The following PRR5 variants were observed in gnomAD, a reference collection of about 807,000 sequenced individuals.
PRR5 encodes proline rich 5, also known as proline-rich protein 5.
PRR5 carries 25 observed loss-of-function variants against 30.6 expected under a neutral mutation model. That is an observed-to-expected ratio of 0.82 (90% CI 0.60 to 1.14). The LOEUF (loss-of-function observed/expected upper bound fraction) is 1.14, where lower values mean the gene tolerates loss of function less well. Among genes scored for constraint, PRR5 ranks in the 50% most tolerant of loss-of-function variants. The probability of loss-of-function intolerance (pLI) is 0.00; values close to 1 mark genes in which losing one functional copy is unlikely to be tolerated. For missense variants in PRR5, 600 were observed against 547.1 expected (o/e 1.10, Z -0.96); for synonymous variants, 286 against 247.1 (o/e 1.16, Z -1.48).
chr22:44,700,441 C>T (rs1419997169), upstream of PRR5, among the ~76,000 whole-genome samples: 3 of 152,148 alleles, frequency 2.0e-5, no homozygotes, highest in South Asian at 2.1e-4. Context: ...ACTCCACAGG[C>T]GACAAGAGCG....
At chr22:44,721,493 T>A (rs554061081) in intron 2 of PRR5, among the ~76,000 whole-genome samples, 124 of 152,298 alleles carry the variant, frequency 8.1e-4, no homozygotes, top group Middle Eastern at 3.4e-3. Context: ...AATGAAGACT[T>A]GGCCCAACCA....
At chr22:44,707,537 A>G (rs1448578022) in intron 1 of PRR5, among the ~76,000 whole-genome samples, 3 of 152,178 alleles carry the variant, frequency 2.0e-5, no homozygotes, top group Non-Finnish European at 2.9e-5. Flanking sequence ...GCAGGGATGC[A>G]TCTTGCCATC....
At chr22:44,697,237 C>T (rs548305910), upstream of PRR5, among the ~76,000 whole-genome samples, 4 of 152,190 alleles carry the variant, frequency 2.6e-5, no homozygotes, top group Non-Finnish European at 5.9e-5. Context: ...CCGGAGTCAC[C>T]GCGAGTACCC....
In PRR5 at chr22:44,693,991, C is replaced by T. The variant is rs567854086; in HGVS notation, c.-10-8501C>T. On this transcript the variant is annotated intron_variant, in intron 1 of 8. Coordinates refer to the PRR5 transcript ENST00000006251. ...TAGGGCCCACTTACTCCAGTATGAC[C>T]TCATCTCAATTTGATTACATCTGCA... is the stretch of plus-strand genomic sequence containing the variant. 2.6e-5 allele frequency among the ~76,000 whole-genome samples: 4 copies of T among 152,070 alleles called. No homozygotes were observed. In the South Asian group the frequency reaches 8.3e-4, roughly 32 times the overall value.
In PRR5 at chr22:44,683,971, G is replaced by T. The variant is rs148518357; in HGVS notation, c.-11+6731G>T. Among the ~76,000 whole-genome samples, 676 of 152,346 alleles carry T rather than the reference G, an allele frequency of 4.4e-3. 18 individuals carry two copies. In the East Asian group the frequency reaches 0.048, roughly 11 times the overall value. On this transcript the variant is annotated intron_variant, in intron 1 of 8. Transcript: ENST00000006251. ...CCCAGGAACAGGGGCTGGGCCCCTC[G>T]CAGGGGTTGGTTTCATTGGCTTTGA...
At chr22:44,686,879 T>C (rs1312953290) in intron 1 of PRR5, among the ~76,000 whole-genome samples, 2 of 152,252 alleles carry the variant, frequency 1.3e-5, no homozygotes, top group East Asian at 1.9e-4. Context: ...CCCAAAATGC[T>C]GGGATTACAG....
rs143255482 is a variant in PRR5 at position 44,735,104 on chromosome 22, C to G, written c.633C>G (p.Tyr211Ter). Residue 211 changes from tyrosine to a stop codon, truncating the protein, a stop_gained, in exon 7 of 8, where the codon TAC becomes TAG. Coordinates refer to ENST00000336985, the MANE Select transcript of PRR5 (RefSeq NM_181333.4). LOFTEE classifies it high-confidence loss of function. Reference protein sequence around the residue: ...ETLVQKVVSPYLGTYGLHSSE... With the variant: ...ETLVQKVVSP Reference sequence around the variant, plus strand: ...TGGTCCAGAAGGTGGTGTCGCCATACCTGGGCACCTACGGCCTCCACTCCA... The same window carrying G: ...TGGTCCAGAAGGTGGTGTCGCCATAGCTGGGCACCTACGGCCTCCACTCCA... The G allele has an allele frequency of 6.2e-7, 1 of 1,612,582 alleles. No homozygotes were observed.
At chr22:44,725,628 G>A (rs996203138) in intron 3 of PRR5, among the ~76,000 whole-genome samples, 25 of 151,962 alleles carry the variant, frequency 1.6e-4, no homozygotes, top group Admixed American at 9.8e-4. Flanking sequence ...CCACCATCAC[G>A]CCTGGCTAAT....
At chr22:44,675,765 A>ATTG (rs1372709120), upstream of PRR5, among the ~76,000 whole-genome samples, 1 of 123,292 alleles carries the variant, frequency 8.1e-6, no homozygotes. Flanking sequence ...TGCTGTTGTT[A>ATTG]TTATTATTAT....
chr22:44,719,937 C>G (rs935351691), intron 2 of PRR5, among the ~76,000 whole-genome samples: 8 of 152,222 alleles, frequency 5.3e-5, no homozygotes. Flanking sequence ...CCACAGCTGT[C>G]TCTCTTGAGG....
chr22:44,672,821 A>G (rs186683534), upstream of PRR5, among the ~76,000 whole-genome samples: 1 of 152,288 alleles, frequency 6.6e-6, no homozygotes, highest in Non-Finnish European at 1.5e-5. Flanking sequence ...GCCCTGCCCA[A>G]TTGACAGATG....
Position 44,707,312 on chromosome 22 carries a change from G to A in PRR5, c.134+4704G>A, listed in dbSNP as rs151157201. On this transcript the variant is annotated intron_variant, in intron 1 of 7. Coordinates refer to ENST00000336985, the MANE Select transcript of PRR5 (RefSeq NM_181333.4). ...GACAGGAGTGGCCGGCCACTGGGGC[G>A]TGCCCTGCAGGCAGAGCTGAAGTGG... Among the ~76,000 whole-genome samples, 504 of 152,320 alleles carry A rather than the reference G, an allele frequency of 3.3e-3. 2 individuals carry two copies. The highest frequency in any genetic ancestry group is 0.01 in the Middle Eastern group (3 of 294).
At chr22:44,684,671 G>A (rs548114463) in intron 1 of PRR5, among the ~76,000 whole-genome samples, 117 of 152,336 alleles carry the variant, frequency 7.7e-4, no homozygotes, top group African/African-American at 2.7e-3. Context: ...GCTTGCACCC[G>A]CCCCCAGCTC....
chr22:44,671,891 AATC>A (rs1341148145), intron 1 of PRR5, among the ~76,000 whole-genome samples: 1 of 152,240 alleles, frequency 6.6e-6, no homozygotes, highest in Non-Finnish European at 1.5e-5. Context: ...GTGCTTGAAC[AATC>A]CCAGTTAGGA....
chr22:44,702,191 C>T (rs1187754559), upstream of PRR5: 13 of 1,025,048 alleles, frequency 1.3e-5, no homozygotes, highest in African/African-American at 1.7e-5. Context: ...GGCCCGCCCC[C>T]GGGTCCGCCC....
chr22:44,679,739 C>T, intron 1 of PRR5: 2 of 1,386,860 alleles, frequency 1.4e-6, no homozygotes, highest in South Asian at 2.5e-5. Context: ...TAGTAAGACT[C>T]AGCCTCCCCG....
chr22:44,682,892 G>A (rs1384997470), intron 1 of PRR5, among the ~76,000 whole-genome samples: 4 of 152,210 alleles, frequency 2.6e-5, no homozygotes, highest in Admixed American at 6.5e-5. Context: ...TCCTCTAAAC[G>A]CAGATGTGTG....
intron 1 of PRR5, among the ~76,000 whole-genome samples, chr22:44,711,783 C>T (rs1928278275): frequency 6.6e-6 from 1 of 152,278 alleles, no homozygotes; most frequent in East Asian, 1.9e-4. Context: ...GGAGTACCTC[C>T]ACTCGCCATA....
At chr22:44,681,140 T>C (rs577408845) in intron 1 of PRR5, among the ~76,000 whole-genome samples, 1 of 152,292 alleles carries the variant, frequency 6.6e-6, no homozygotes, top group East Asian at 1.9e-4. Flanking sequence ...GGCCTCTGTG[T>C]GAGGCTCAAA....
Sources: gnomAD v4.1 joint callset for allele counts (sites outside exome capture counted in the v4.1 genomes callset) on GRCh38, gnomAD v4.1.1 for gene constraint, MANE v1.5 for transcripts, NCBI Gene and HGNC (gene_info 2026-07-23, HGNC 2026-07-21) for gene names.